Variants in SKAP1 observed in about 807,000 individuals in gnomAD.
The protein encoded by SKAP1 is src kinase-associated phosphoprotein 1.
In SKAP1, 44 loss-of-function variants were observed where a neutral mutation model predicts 58.5. The observed-to-expected ratio is 0.75, with a 90% CI of 0.59 to 0.97. The LOEUF is 0.97. Among genes scored for constraint, SKAP1 ranks in the 50% least tolerant of loss-of-function variants. SKAP1 has a pLI of 0.00. For synonymous variants in SKAP1, 127 were observed against 149.7 expected (o/e 0.85, Z 1.11); for missense variants, 390 against 435.2 (o/e 0.90, Z 0.92).
At chr17:48,149,175 T>C (rs1567793294) in intron 11 of SKAP1, among the ~76,000 whole-genome samples, 1 of 152,226 alleles carries the variant, frequency 6.6e-6, no homozygotes, top group Non-Finnish European at 1.5e-5. Context: ...ATTTAGTCTC[T>C]GGTCAACATG....
chr17:48,189,500 C>A lies in SKAP1; in HGVS notation c.281G>T (p.Gly94Val). ...AGCTCCTTTTACGATGTCTTCCATT[C>A]CTAAAAGGACCAATGGCAAAATGCT... ...APFLSDYQDE[G>V]MEDIVKGAQE... The change falls in exon 5 of 13, where the codon GGA becomes GTA. Residue 94 changes from glycine to valine, a missense_variant and splice_region_variant. Gly to Val is a moderately radical substitution (Grantham distance 109). Coordinates refer to ENST00000336915, the MANE Select transcript of SKAP1 (RefSeq NM_003726.4). 1 of 1,609,652 alleles carries A rather than the reference C, an allele frequency of 6.2e-7. No individual in the cohort carries two copies. Among genetic ancestry groups the A allele is most frequent in the Non-Finnish European group, 8.5e-7 (1 of 1,178,194 alleles).
At chr17:48,265,470 A>G (rs575017502) in intron 4 of SKAP1, among the ~76,000 whole-genome samples, 9 of 150,136 alleles carry the variant, frequency 6.0e-5, no homozygotes, top group Non-Finnish European at 1.2e-4. Flanking sequence ...GCACCACTGC[A>G]CTCCAGCCTG....
At chr17:48,261,588 A>T (rs946255080) in intron 4 of SKAP1, among the ~76,000 whole-genome samples, 1 of 152,156 alleles carries the variant, frequency 6.6e-6, no homozygotes, top group Non-Finnish European at 1.5e-5. Flanking sequence ...CAGGAAGCAT[A>T]ACTCAGGCCT....
intron 4 of SKAP1, among the ~76,000 whole-genome samples, chr17:48,327,079 C>T (rs1372739772): frequency 3.3e-5 from 5 of 151,822 alleles, no homozygotes; most frequent in Non-Finnish European, 7.4e-5. Context: ...TTAGTAGAGA[C>T]GGGGTTTTGC....
At chr17:48,207,557 T>G (rs1598428383) in intron 4 of SKAP1, among the ~76,000 whole-genome samples, 1 of 152,250 alleles carries the variant, frequency 6.6e-6, no homozygotes, top group East Asian at 1.9e-4. Context: ...TAAGAATACT[T>G]TAATAATCTG....
intron 1 of SKAP1, among the ~76,000 whole-genome samples, chr17:48,401,649 G>A (rs1307249847): frequency 6.6e-6 from 1 of 151,598 alleles, no homozygotes; most frequent in Non-Finnish European, 1.5e-5. Flanking sequence ...CTAAATATAA[G>A]AGCTAAAACT....
intron 4 of SKAP1, among the ~76,000 whole-genome samples, chr17:48,291,716 T>C (rs1271693870): frequency 2.0e-5 from 3 of 152,212 alleles, no homozygotes; most frequent in Non-Finnish European, 2.9e-5. Flanking sequence ...TTATAGGAGT[T>C]GATGTCTTTG....
At chr17:48,165,724 A>T (rs1304525410) in intron 10 of SKAP1, among the ~76,000 whole-genome samples, 1 of 152,104 alleles carries the variant, frequency 6.6e-6, no homozygotes, top group Non-Finnish European at 1.5e-5. Context: ...TAGAGCAGAG[A>T]GAGGAACTGA....
intron 3 of SKAP1, 90 bp from the exon 4 acceptor site, chr17:48,346,096 C>T (rs2066719297): frequency 3.0e-6 from 2 of 670,706 alleles, no homozygotes; most frequent in South Asian, 2.5e-5. Flanking sequence ...TGTATGATCT[C>T]TTCCAGTATT....
chr17:48,179,087 G>T (rs1304223136), intron 9 of SKAP1, among the ~76,000 whole-genome samples: 2 of 152,236 alleles, frequency 1.3e-5, no homozygotes, highest in Non-Finnish European at 2.9e-5. Context: ...TCAGCAACCA[G>T]CCCTGTCTTC....
At chr17:48,327,013 C>T (rs2066446710) in intron 4 of SKAP1, among the ~76,000 whole-genome samples, 1 of 151,702 alleles carries the variant, frequency 6.6e-6, no homozygotes, top group Non-Finnish European at 1.5e-5. Flanking sequence ...GCCTCAGCCT[C>T]CCAAGTAGCT....
intron 4 of SKAP1, among the ~76,000 whole-genome samples, chr17:48,329,572 C>A (rs1375272203): frequency 6.6e-6 from 1 of 151,992 alleles, no homozygotes; most frequent in South Asian, 2.1e-4. Context: ...CCGGGCGTGG[C>A]GGCAGGCGCC....
intron 4 of SKAP1, among the ~76,000 whole-genome samples, chr17:48,284,997 G>C (rs2065812922): frequency 6.6e-6 from 1 of 152,162 alleles, no homozygotes; most frequent in South Asian, 2.1e-4. Context: ...TTTGCCTATA[G>C]AGCAATTATT....
chr17:48,329,966 A>T (rs2066483920), intron 4 of SKAP1, among the ~76,000 whole-genome samples: 1 of 152,232 alleles, frequency 6.6e-6, no homozygotes, highest in East Asian at 1.9e-4. Flanking sequence ...TATGTCTGGC[A>T]TGTGGTAGGC....
intron 2 of SKAP1, 150 bp from the exon 3 acceptor site, chr17:48,363,964 G>T: frequency 2.0e-6 from 1 of 505,934 alleles, no homozygotes; most frequent in Non-Finnish European, 3.5e-6. Flanking sequence ...AAAAACAAAA[G>T]GTTATCCCTG....
At chr17:48,349,867 CT>C (rs1325341082) in intron 3 of SKAP1, among the ~76,000 whole-genome samples, 1 of 152,106 alleles carries the variant, frequency 6.6e-6, no homozygotes, top group African/African-American at 2.4e-5. Context: ...TTTTTATTCC[CT>C]GTGTTTTCAT....
At chr17:48,238,128 G>C (rs2065202306) in intron 4 of SKAP1, among the ~76,000 whole-genome samples, 1 of 151,958 alleles carries the variant, frequency 6.6e-6, no homozygotes, top group South Asian at 2.1e-4. Context: ...CGAGTAGCTG[G>C]GATTACAGGC....
At chr17:48,396,927 T>TAAAAAA in intron 1 of SKAP1, 142 bp from the exon 2 acceptor site, 1 of 355,368 alleles carries the variant, frequency 2.8e-6, no homozygotes, top group Non-Finnish European at 4.9e-6. Context: ...TAAAGTATAA[T>TAAAAAA]AAAAAAAAAA....
At chr17:48,372,373 C>G (rs1169802238) in intron 2 of SKAP1, among the ~76,000 whole-genome samples, 1 of 152,134 alleles carries the variant, frequency 6.6e-6, no homozygotes, top group Non-Finnish European at 1.5e-5. Flanking sequence ...ATGGTGCAGT[C>G]TTGGCTCACC....
Sources: gnomAD v4.1 joint callset for allele counts (sites outside exome capture counted in the v4.1 genomes callset) on GRCh38, gnomAD v4.1.1 for gene constraint, MANE v1.5 for transcripts, NCBI Gene and HGNC (gene_info 2026-07-23, HGNC 2026-07-21) for gene names.